The following AP2S1 variants were observed in gnomAD, a reference collection of about 807,000 sequenced individuals.
The protein encoded by AP2S1 is AP-2 complex subunit sigma.
AP2S1 carries 6 observed loss-of-function variants against 21.0 expected under a neutral mutation model. The ratio of observed to expected loss-of-function variants is 0.29; its 90% CI spans 0.16 to 0.56. The LOEUF (loss-of-function observed/expected upper bound fraction) is 0.56, where lower values mean the gene tolerates loss of function less well. Ranked by LOEUF, AP2S1 falls within the 20% of genes least tolerant of loss-of-function variation. The probability of loss-of-function intolerance (pLI) is 0.92; values close to 1 mark genes in which losing one functional copy is unlikely to be tolerated. For synonymous variants in AP2S1, 63 were observed against 74.6 expected (o/e 0.84, Z 0.80); for missense variants, 60 against 186.2 (o/e 0.32, Z 3.95).
At chr19:46,839,151 G>C (rs574732622) in intron 3 of AP2S1, among the ~76,000 whole-genome samples, 1 of 151,802 alleles carries the variant, frequency 6.6e-6, no homozygotes, top group African/African-American at 2.4e-5. Flanking sequence ...GCTGGGCATC[G>C]TGGCGTGTGC....
chr19:46,844,099 C>T (rs1192163433), intron 2 of AP2S1, among the ~76,000 whole-genome samples: 5 of 151,922 alleles, frequency 3.3e-5, no homozygotes, highest in Admixed American at 3.3e-4. Flanking sequence ...TTAGTAGAGA[C>T]GAGATTTCAT....
chr19:46,847,290 G>A (rs1162921399), intron 1 of AP2S1, among the ~76,000 whole-genome samples: 3 of 150,264 alleles, frequency 2.0e-5, no homozygotes, highest in Non-Finnish European at 4.4e-5. Context: ...CTAGAGTGCA[G>A]TGGCGCGATC....
intron 1 of AP2S1, among the ~76,000 whole-genome samples, chr19:46,849,515 C>T (rs975305799): frequency 2.0e-5 from 3 of 152,160 alleles, no homozygotes; most frequent in Non-Finnish European, 2.9e-5. Context: ...GAGCCGGAGA[C>T]ATATTCACAC....
At chr19:46,845,958 G>T (rs1244088225) in intron 2 of AP2S1, 35 bp downstream of exon 2, 2 of 1,612,568 alleles carry the variant, frequency 1.2e-6, no homozygotes, top group Non-Finnish European at 8.5e-7. Flanking sequence ...GCACGAGGAA[G>T]CAGCGGGGTG....
At chr19:46,844,933 C>G (rs1467963707) in intron 2 of AP2S1, among the ~76,000 whole-genome samples, 1 of 151,802 alleles carries the variant, frequency 6.6e-6, no homozygotes, top group Non-Finnish European at 1.5e-5. Flanking sequence ...GAAACCCCAT[C>G]TCTACTAAAA....
intron 2 of AP2S1, chr19:46,845,686 A>T (rs2055619446): frequency 9.1e-6 from 2 of 220,360 alleles, no homozygotes; most frequent in South Asian, 1.6e-4. Context: ...ATCGTAGGCA[A>T]AAAAAATTAA....
Position 46,839,370 on chromosome 19 carries a change from G to T in AP2S1, c.267+95C>A, listed in dbSNP as rs1434878020. On this transcript the variant is annotated intron_variant, in intron 3 of 4. Coordinates refer to ENST00000263270, the MANE Select transcript of AP2S1 (RefSeq NM_004069.6). ...GAGAGTCCCAGTCACTGCAGAGGGA[G>T]GGCTCAGGAGGGACCAGGGAGGGTT... 3.0e-6 allele frequency: 4 copies of T among 1,352,218 alleles called. No individual in the cohort carries two copies. The South Asian group carries it at 4.8e-5, about 16-fold the overall frequency. 83.8% of individuals were successfully genotyped at this position (1,352,218 alleles called of 1,614,324 possible). A position where few individuals can be genotyped will look rare whatever the true frequency, so the allele number is the denominator to read the frequency against.
At chr19:46,847,518 TATC>T (rs1404324958) in intron 1 of AP2S1, among the ~76,000 whole-genome samples, 1 of 152,050 alleles carries the variant, frequency 6.6e-6, no homozygotes, top group Non-Finnish European at 1.5e-5. Flanking sequence ...CCCCACCTAA[TATC>T]ACCACTATCT....
intron 1 of AP2S1, 167 bp downstream of exon 1, chr19:46,850,597 G>T: frequency 1.5e-6 from 1 of 667,162 alleles, no homozygotes; most frequent in Non-Finnish European, 2.5e-6. Flanking sequence ...CAGAATCACC[G>T]CCCTGTGCCC....
intron 1 of AP2S1, among the ~76,000 whole-genome samples, chr19:46,848,965 C>A (rs1246787412): frequency 6.7e-6 from 1 of 149,940 alleles, no homozygotes; most frequent in East Asian, 2.0e-4. Context: ...CCTGCCTCAG[C>A]CTCCCAAAGT....
intron 3 of AP2S1, 56 bp downstream of exon 3, chr19:46,839,409 G>T (rs982574107): frequency 1.9e-6 from 3 of 1,590,912 alleles, no homozygotes; most frequent in Non-Finnish European, 1.7e-6. Context: ...AGGCCTTGGG[G>T]GCCACTCCAG....
chr19:46,850,166 C>T, intron 1 of AP2S1: 1 of 1,232,472 alleles, frequency 8.1e-7, no homozygotes, highest in South Asian at 4.1e-5. Context: ...CAGCGCTTTC[C>T]CAGACCCTTA....
intron 1 of AP2S1, 143 bp from the exon 2 acceptor site, chr19:46,846,285 C>T: frequency 9.4e-7 from 1 of 1,064,204 alleles, no homozygotes; most frequent in Non-Finnish European, 1.3e-6. Flanking sequence ...GTCTCGGCTG[C>T]TCCCCAGACC....
intron 2 of AP2S1, 21 bp downstream of exon 2, chr19:46,845,972 G>T (rs779373210): frequency 1.9e-6 from 3 of 1,613,956 alleles, no homozygotes; most frequent in Non-Finnish European, 2.5e-6. Context: ...CGGGGTGCAG[G>T]AGGCATGGAG....
chr19:46,846,212 C>T (rs943791706), intron 1 of AP2S1, 70 bp from the exon 2 acceptor site: 29 of 1,571,282 alleles, frequency 1.8e-5, no homozygotes, highest in Non-Finnish European at 2.3e-5. Context: ...TGCCCAACGG[C>T]CCCACCCATC....
At chr19:46,848,570 T>C (rs2055676945) in intron 1 of AP2S1, among the ~76,000 whole-genome samples, 1 of 152,152 alleles carries the variant, frequency 6.6e-6, no homozygotes, top group Admixed American at 6.5e-5. Context: ...GCCCATTTTA[T>C]AGATGAGGAA....
chr19:46,841,582 GC>G (rs1568445902), intron 2 of AP2S1, among the ~76,000 whole-genome samples: 1 of 152,158 alleles, frequency 6.6e-6, no homozygotes, highest in African/African-American at 2.4e-5. Context: ...ACTGCTGGTC[GC>G]CACTGTCTGG....
intron 1 of AP2S1, among the ~76,000 whole-genome samples, chr19:46,849,110 A>C (rs2055689250): frequency 6.9e-6 from 1 of 145,410 alleles, no homozygotes; most frequent in African/African-American, 2.6e-5. Context: ...GGTTCAAGCG[A>C]TTCTCCTGCC....
At chr19:46,839,758 C>CG in intron 2 of AP2S1, 180 bp from the exon 3 acceptor site, 2 of 1,026,802 alleles carry the variant, frequency 1.9e-6, no homozygotes, top group Non-Finnish European at 1.4e-6. Flanking sequence ...CACAGTGCAG[C>CG]GGGGGCAGGC....
Sources: gnomAD v4.1 joint callset for allele counts (sites outside exome capture counted in the v4.1 genomes callset) on GRCh38, gnomAD v4.1.1 for gene constraint, MANE v1.5 for transcripts, NCBI Gene and HGNC (gene_info 2026-07-23, HGNC 2026-07-21) for gene names.